SLC16A12: variants seen among roughly 807,000 people sequenced by gnomAD.
SLC16A12 encodes monocarboxylate transporter 12.
Under a neutral mutation model 42.4 loss-of-function variants are expected in SLC16A12, and 17 were observed. The observed-to-expected ratio is 0.40, with a 90% CI of 0.27 to 0.60. The LOEUF is 0.60. Ranked by LOEUF, SLC16A12 falls within the 20% of genes least tolerant of loss-of-function variation. The pLI, the probability that SLC16A12 is intolerant of heterozygous loss-of-function variation, is 0.42. For missense variants in SLC16A12, 544 were observed against 623.0 expected, an observed-to-expected ratio of 0.87 and a Z score of 1.35; for synonymous variants, 224 against 229.4, an observed-to-expected ratio of 0.98 and a Z score of 0.21.
intron 2 of SLC16A12, among the ~76,000 whole-genome samples, chr10:89,469,850 G>A (rs1478193181): frequency 6.6e-6 from 1 of 152,080 alleles, no homozygotes; most frequent in African/African-American, 2.4e-5. Context: ...AAGTTAACTG[G>A]TATAGGTAAG....
intron 1 of SLC16A12, 33 bp from the exon 2 acceptor site, chr10:89,534,673 C>A (rs10785886): frequency 0.94 from 115,029 of 122,760 alleles, 53,844 homozygotes; most frequent in South Asian, 0.96. Context: ...AAAAAAAAAT[C>A]CAAAAATTAG....
chr10:89,512,702 T>C (rs537789689), intron 2 of SLC16A12, among the ~76,000 whole-genome samples: 1 of 152,340 alleles, frequency 6.6e-6, no homozygotes, highest in South Asian at 2.1e-4. Context: ...TGGCTGTTCA[T>C]CTGTATCTTT....
intron 3 of SLC16A12, among the ~76,000 whole-genome samples, chr10:89,451,188 T>C (rs1245456524): frequency 6.6e-6 from 1 of 152,194 alleles, no homozygotes; most frequent in East Asian, 1.9e-4. Context: ...AATTGTGCTT[T>C]AACAATCCAT....
intron 3 of SLC16A12, among the ~76,000 whole-genome samples, chr10:89,459,516 A>ATGTGCGTGTGTGTGTGTG (rs1554827449): frequency 6.7e-6 from 1 of 149,636 alleles, no homozygotes; most frequent in Non-Finnish European, 1.5e-5. Flanking sequence ...TTCTGTGTTT[A>ATGTGCGTGTGTGTGTGTG]TGTGTGTGTG....
chr10:89,536,962 G>A (rs1350762426), upstream of SLC16A12, among the ~76,000 whole-genome samples: 1 of 151,234 alleles, frequency 6.6e-6, no homozygotes, highest in Non-Finnish European at 1.5e-5. Flanking sequence ...CTCAGCTTCC[G>A]GAGTAGCTGG....
chr10:89,430,792 C>T lies in SLC16A12; in HGVS notation c.*2272G>A, dbSNP rs765466962. ...TCACTATGCTTATTTTTCATAAATA[C>T]TTGTAATACTTCACAGAAATTATAT... On this transcript the variant is annotated 3_prime_UTR_variant, in exon 8 of 8. Coordinates refer to ENST00000371790, the MANE Select transcript of SLC16A12 (RefSeq NM_213606.4). 3.0e-5 allele frequency: 13 copies of T among 436,078 alleles called. No individual in the cohort carries two copies. Among genetic ancestry groups the T allele is most frequent in the African/African-American group, 2.5e-4 (12 of 48,162 alleles). The allele number at this position is 436,078 out of a possible 1,614,324, so 27.0% of individuals were successfully genotyped here.
At chr10:89,543,882 CT>C in intron 2 of SLC16A12, among the ~76,000 whole-genome samples, 2 of 152,252 alleles carry the variant, frequency 1.3e-5, no homozygotes, top group Middle Eastern at 6.8e-3. Context: ...TAGCTGAAGC[CT>C]AGTAAGTGCC....
intron 2 of SLC16A12, among the ~76,000 whole-genome samples, chr10:89,548,747 C>G (rs1282245592): frequency 1.3e-5 from 2 of 152,118 alleles, no homozygotes; most frequent in African/African-American, 4.8e-5. Flanking sequence ...ATCCGGGAGG[C>G]AGAGGTTGCA....
chr10:89,536,508 A>T (rs1297048878), upstream of SLC16A12, among the ~76,000 whole-genome samples: 1 of 151,992 alleles, frequency 6.6e-6, no homozygotes, highest in Non-Finnish European at 1.5e-5. Flanking sequence ...TACATAATAC[A>T]ATTCCCCAAA....
intron 2 of SLC16A12, among the ~76,000 whole-genome samples, chr10:89,545,615 T>C (rs1404179587): frequency 6.6e-6 from 1 of 152,220 alleles, no homozygotes; most frequent in Non-Finnish European, 1.5e-5. Flanking sequence ...AGAATCAATA[T>C]TGTGAAAATG....
intron 3 of SLC16A12, among the ~76,000 whole-genome samples, chr10:89,460,744 C>CAAAA (rs751005622): frequency 1.3e-4 from 9 of 68,426 alleles, no homozygotes; most frequent in East Asian, 4.5e-4. Context: ...GACACTGTCT[C>CAAAA]AAAAAAAAAA....
chr10:89,434,718 T>C lies in SLC16A12; in HGVS notation c.1288+1342A>G, dbSNP rs74907164. On this transcript the variant is annotated intron_variant, in intron 7 of 7. Transcript: ENST00000371790. ...GGCAAAGTTTTGGGTTATTTCTCTT[T>C]TGCCTGTCTTCAGAGAACTTGTTCA... is the stretch of plus-strand genomic sequence containing the variant. Among the ~76,000 whole-genome samples the C allele has an allele frequency of 2.8e-3, 429 of 152,364 alleles. 7 individuals carry two copies. The highest frequency in any genetic ancestry group is 0.025 in the South Asian group (119 of 4,826).
intron 2 of SLC16A12, among the ~76,000 whole-genome samples, chr10:89,516,482 C>T (rs982873400): frequency 6.6e-6 from 1 of 152,202 alleles, no homozygotes; most frequent in Non-Finnish European, 1.5e-5. Context: ...CTTGTTTCCA[C>T]TGGTGATTTG....
At chr10:89,439,235 A>T (rs765354910) in intron 5 of SLC16A12, 52 bp from the exon 6 acceptor site, 1 of 1,507,662 alleles carries the variant, frequency 6.6e-7, no homozygotes, top group Admixed American at 1.7e-5. Context: ...ACAGCCAATG[A>T]TATCTCAGAA....
At chr10:89,459,554 C>A (rs1436707434) in intron 3 of SLC16A12, among the ~76,000 whole-genome samples, 3 of 120,612 alleles carry the variant, frequency 2.5e-5, no homozygotes, top group Admixed American at 7.8e-5. Context: ...GTGTGTGTTT[C>A]AAGAGTCAAT....
chr10:89,531,507 T>C (rs1376793668), intron 2 of SLC16A12, among the ~76,000 whole-genome samples: 1 of 152,170 alleles, frequency 6.6e-6, no homozygotes, highest in African/African-American at 2.4e-5. Context: ...GTATACAAAT[T>C]TATTAAGATG....
At chr10:89,503,858 G>A (rs1294346473) in intron 2 of SLC16A12, among the ~76,000 whole-genome samples, 1 of 152,202 alleles carries the variant, frequency 6.6e-6, no homozygotes, top group Non-Finnish European at 1.5e-5. Context: ...AGGAAGACAA[G>A]TCTATCACCA....
intron 2 of SLC16A12, among the ~76,000 whole-genome samples, chr10:89,540,821 G>C (rs1021304630): frequency 2.2e-4 from 33 of 152,096 alleles, no homozygotes; most frequent in African/African-American, 7.0e-4. Flanking sequence ...TGGAGTCATG[G>C]TATAACTGAA....
intron 3 of SLC16A12, 64 bp from the exon 4 acceptor site, chr10:89,443,923 T>A: frequency 1.9e-6 from 2 of 1,078,188 alleles, no homozygotes; most frequent in Non-Finnish European, 2.8e-6. Context: ...AGCCAGAACT[T>A]AAAATGTTTG....
Sources: gnomAD v4.1 joint callset for allele counts (sites outside exome capture counted in the v4.1 genomes callset) on GRCh38, gnomAD v4.1.1 for gene constraint, MANE v1.5 for transcripts, NCBI Gene and HGNC (gene_info 2026-07-23, HGNC 2026-07-21) for gene names.